The following TPH2 variants were observed in gnomAD, a reference collection of about 807,000 sequenced individuals.
TPH2 encodes tryptophan 5-hydroxylase 2.
In TPH2, 27 loss-of-function variants were observed where a neutral mutation model predicts 59.1. The observed-to-expected ratio is 0.46, with a 90% confidence interval of 0.34 to 0.63. The LOEUF is 0.63. TPH2 is among the 30% of genes least tolerant of loss of function. TPH2 has a pLI of 0.01. For synonymous variants in TPH2, 220 were observed against 210.5 expected (o/e 1.05, Z -0.39); for missense variants, 523 against 588.3 (o/e 0.89, Z 1.15).
chr12:71,999,639 G>A (rs539032523), intron 8 of TPH2, among the ~76,000 whole-genome samples: 10 of 152,314 alleles, frequency 6.6e-5, no homozygotes, highest in South Asian at 2.1e-4. Flanking sequence ...GGTAGCACAC[G>A]TGTGAAATAG....
rs1873728867 is a variant in TPH2, at chr12:72,031,712, G to A, written c.*17G>A. On this transcript the variant is annotated 3_prime_UTR_variant, in exon 11 of 11. Transcript: ENST00000333850. ...GGGATTTGATGCCTGGAACTATGTT[G>A]TTGCCAGCATGATCTTTTTGGGGCT... is the stretch of plus-strand genomic sequence containing the variant. 1 of 1,613,098 alleles carries A rather than the reference G, an allele frequency of 6.2e-7. No individual in the cohort carries two copies. Among genetic ancestry groups the A allele is most frequent in the Non-Finnish European group, 8.5e-7 (1 of 1,179,192 alleles).
At chr12:71,971,982 T>C (rs2139203181) in intron 5 of TPH2, among the ~76,000 whole-genome samples, 1 of 152,320 alleles carries the variant, frequency 6.6e-6, no homozygotes, top group Admixed American at 6.5e-5. Context: ...TCCTTATTTT[T>C]TGGTTTGCAA....
chr12:72,013,617 C>A (rs889896690), intron 8 of TPH2, among the ~76,000 whole-genome samples: 5 of 152,152 alleles, frequency 3.3e-5, no homozygotes, highest in African/African-American at 1.2e-4. Context: ...AAGATGAATT[C>A]AAGATTGAAT....
intron 5 of TPH2, among the ~76,000 whole-genome samples, chr12:71,969,444 T>C (rs939130340): frequency 6.6e-6 from 1 of 152,178 alleles, no homozygotes; most frequent in Non-Finnish European, 1.5e-5. Flanking sequence ...TCCTCATGAC[T>C]ATGATTTTTT....
At chr12:72,010,714 A>C (rs12228879) in intron 8 of TPH2, among the ~76,000 whole-genome samples, 6,992 of 152,216 alleles carry the variant, frequency 0.046, 305 homozygotes, top group East Asian at 0.17. Context: ...GAATAAAAAT[A>C]AAATGACCCT....
intron 5 of TPH2, chr12:71,962,615 C>A: frequency 1.0e-6 from 1 of 985,402 alleles, no homozygotes; most frequent in Non-Finnish European, 1.2e-6. Flanking sequence ...CAAATACATA[C>A]CTGCCAGACT....
Position 72,031,936 on chromosome 12 carries a change from G to C in TPH2, c.*241G>C. ...ATGTTTAAACATCTTAAAAAGATTT[G>C]ACATTCCTGCTTAGTGTCCTTAACC... On this transcript the variant is annotated 3_prime_UTR_variant, in exon 11 of 11. Coordinates refer to ENST00000333850, the MANE Select transcript of TPH2 (RefSeq NM_173353.4). 3 of 524,824 alleles carry C rather than the reference G, an allele frequency of 5.7e-6. No homozygotes were observed. The highest frequency in any genetic ancestry group is 1.0e-5 in the Non-Finnish European group (3 of 291,922). 32.5% of individuals were successfully genotyped at this position (524,824 alleles called of 1,614,324 possible). A position where few individuals can be genotyped will look rare whatever the true frequency, so the allele number is the denominator to read the frequency against.
At chr12:71,957,070 CCCGCTCTA>C (rs1172741878) in intron 5 of TPH2, among the ~76,000 whole-genome samples, 2 of 152,122 alleles carry the variant, frequency 1.3e-5, no homozygotes, top group Non-Finnish European at 2.9e-5. Flanking sequence ...GGTTTGAATT[CCCGCTCTA>C]CCACTTAAAA....
chr12:71,972,371 CT>C lies in TPH2; in HGVS notation c.609-145del. The C allele has an allele frequency of 2.8e-5, 22 of 778,356 alleles. No homozygotes were observed. In the South Asian group the frequency reaches 3.3e-4, roughly 12 times the overall value. 48.2% of individuals were successfully genotyped at this position (778,356 alleles called of 1,614,324 possible). On this transcript the variant is annotated intron_variant, in intron 5 of 10. Transcript: ENST00000333850. ...CACAACATTAGAAGGTTAGCATTTG[CT>C]TTAAAAAATAATACTTAATGGGATC...
intron 5 of TPH2, among the ~76,000 whole-genome samples, chr12:71,949,989 A>T (rs1444546064): frequency 6.6e-6 from 1 of 151,942 alleles, no homozygotes; most frequent in East Asian, 1.9e-4. Flanking sequence ...CTTTTCAGTA[A>T]CCCCCTTCAG....
At chr12:71,978,620 C>A (rs1018364275) in intron 6 of TPH2, among the ~76,000 whole-genome samples, 2 of 152,136 alleles carry the variant, frequency 1.3e-5, no homozygotes, top group African/African-American at 2.4e-5. Context: ...AGGTAATGTG[C>A]GGTAAGCATC....
In TPH2 at chr12:71,962,559, C is replaced by T. The variant is rs1288959508; in HGVS notation, c.609-9960C>T. 3 of 985,140 alleles carry T rather than the reference C, an allele frequency of 3.0e-6. No homozygotes were observed. The African/African-American group carries it at 5.2e-5, about 17-fold the overall frequency. The allele number at this position is 985,140 out of a possible 1,614,324, so 61.0% of individuals were successfully genotyped here. On this transcript the variant is annotated intron_variant, in intron 5 of 10. Coordinates refer to ENST00000333850, the MANE Select transcript of TPH2 (RefSeq NM_173353.4). ...GGCTACCAGAAAGTTTGTTACAATC[C>T]TGAATCTTTGCTTTTTGCATAGTAA...
intron 5 of TPH2, among the ~76,000 whole-genome samples, chr12:71,970,257 C>T (rs570080715): frequency 3.3e-5 from 5 of 152,178 alleles, no homozygotes; most frequent in South Asian, 2.1e-4. Flanking sequence ...TGCATTGCAC[C>T]GGTTTTTAAC....
At chr12:71,988,135 G>A (rs940177385) in intron 7 of TPH2, among the ~76,000 whole-genome samples, 1 of 152,114 alleles carries the variant, frequency 6.6e-6, no homozygotes, top group African/African-American at 2.4e-5. Context: ...TAAGTAATTT[G>A]CCTACACAAG....
In TPH2 at chr12:72,007,256, G is replaced by A. The variant is rs566575951; in HGVS notation, c.1068+12691G>A. ...CCTGAGTGAATAGCACACCTCCCCC[G>A]AGCATAGAGAAAGGCAAGTCACAGG... is the stretch of plus-strand genomic sequence containing the variant. On this transcript the variant is annotated intron_variant, in intron 8 of 10. Transcript: ENST00000333850. Among the ~76,000 whole-genome samples, 46 of 152,198 alleles carry A rather than the reference G, an allele frequency of 3.0e-4. 2 individuals carry two copies. The highest frequency in any genetic ancestry group is 2.7e-3 in the Admixed American group (42 of 15,278).
At chr12:71,954,461 C>T (rs1871438646) in intron 5 of TPH2, among the ~76,000 whole-genome samples, 1 of 152,078 alleles carries the variant, frequency 6.6e-6, no homozygotes, top group African/African-American at 2.4e-5. Context: ...TCTCCTCCCC[C>T]GCCCAAATAA....
chr12:72,031,504 TTC>T lies in TPH2; in HGVS notation c.1299-15_1299-14del, dbSNP rs1471866937. 6 of 1,613,344 alleles carry T rather than the reference TTC, an allele frequency of 3.7e-6. No homozygotes were observed. In the Admixed American group the frequency reaches 1.0e-4, roughly 27 times the overall value. Reference sequence around the variant, plus strand: ...GAGGGTTGATCACATCTCTTTCTACTTCTGTTTATTCTGCAGGGACTTTGCAA... The same window carrying T: ...GAGGGTTGATCACATCTCTTTCTACTTGTTTATTCTGCAGGGACTTTGCAA... On this transcript the variant is annotated splice_polypyrimidine_tract_variant and intron_variant, in intron 10 of 10. Coordinates refer to ENST00000333850, the MANE Select transcript of TPH2 (RefSeq NM_173353.4).
At chr12:72,021,042 CT>C (rs1873398518) in intron 8 of TPH2, among the ~76,000 whole-genome samples, 1 of 125,190 alleles carries the variant, frequency 8.0e-6, no homozygotes, top group Admixed American at 8.2e-5. Context: ...TTTTCTGCCC[CT>C]TTTCAGGAGT....
At chr12:71,985,491 T>C (rs995039663) in intron 7 of TPH2, among the ~76,000 whole-genome samples, 7 of 152,064 alleles carry the variant, frequency 4.6e-5, no homozygotes, top group Admixed American at 1.3e-4. Flanking sequence ...CTCCGCCTCC[T>C]GGGTTCAAGC....
Sources: allele counts gnomAD v4.1 joint callset (sites outside exome capture counted in the v4.1 genomes callset), GRCh38; gene constraint gnomAD v4.1.1; transcripts MANE v1.5; gene names NCBI Gene and HGNC (gene_info 2026-07-23, HGNC 2026-07-21).